PGBD5: variants seen among roughly 807,000 people sequenced by gnomAD.
PGBD5 encodes the protein piggyBac transposable element-derived protein 5.
A neutral mutation model predicts 47.9 loss-of-function variants in PGBD5; 14 were observed. That is an observed-to-expected ratio of 0.29 (90% CI 0.19 to 0.46). The LOEUF (loss-of-function observed/expected upper bound fraction) is 0.46. Ranked by LOEUF, PGBD5 falls within the 20% of genes least tolerant of loss-of-function variation. The pLI, the probability that PGBD5 is intolerant of heterozygous loss-of-function variation, is 1.00. For synonymous variants in PGBD5, 316 were observed against 306.3 expected, an observed-to-expected ratio of 1.03 and a Z score of -0.33; for missense variants, 635 against 716.0, an observed-to-expected ratio of 0.89 and a Z score of 1.29.
intron 3 of PGBD5, among the ~76,000 whole-genome samples, chr1:230,343,845 G>A (rs1448996584): frequency 6.6e-6 from 1 of 152,200 alleles, no homozygotes; most frequent in Non-Finnish European, 1.5e-5. Flanking sequence ...AACATAAATA[G>A]TATGTCTCAA....
intron 4 of PGBD5, among the ~76,000 whole-genome samples, chr1:230,335,144 C>A (rs1273646898): frequency 7.8e-6 from 1 of 128,074 alleles, no homozygotes; most frequent in East Asian, 2.3e-4. Context: ...CATACATACA[C>A]AGGTACACAT....
chr1:230,345,277 T>C (rs1484252772), intron 3 of PGBD5, among the ~76,000 whole-genome samples: 1 of 152,218 alleles, frequency 6.6e-6, no homozygotes, highest in Non-Finnish European at 1.5e-5. Context: ...GAGTTTTCTT[T>C]CCACCCACAT....
intron 4 of PGBD5, among the ~76,000 whole-genome samples, chr1:230,333,289 G>A (rs1024504532): frequency 2.0e-5 from 3 of 152,144 alleles, no homozygotes; most frequent in African/African-American, 7.2e-5. Context: ...TGCTAAGACT[G>A]CATGTAGGGC....
At chr1:230,388,669 C>A (rs376834340) in intron 1 of PGBD5, among the ~76,000 whole-genome samples, 2 of 152,200 alleles carry the variant, frequency 1.3e-5, no homozygotes, top group East Asian at 3.9e-4. Flanking sequence ...CCTGACTCGG[C>A]CTCCCAAAGT....
chr1:230,406,998 A>G (rs746567682), intron 1 of PGBD5, among the ~76,000 whole-genome samples: 9 of 152,048 alleles, frequency 5.9e-5, no homozygotes, highest in Non-Finnish European at 8.8e-5. Flanking sequence ...CCACACCCAG[A>G]TAATTTTTGT....
At chr1:230,385,147 C>G (rs145949238) in intron 1 of PGBD5, among the ~76,000 whole-genome samples, 1 of 152,012 alleles carries the variant, frequency 6.6e-6, no homozygotes, top group Non-Finnish European at 1.5e-5. Context: ...GTCTCGCGCA[C>G]GTGTTATTTT....
At chr1:230,381,271 C>T (rs539428221) in intron 1 of PGBD5, among the ~76,000 whole-genome samples, 2 of 152,334 alleles carry the variant, frequency 1.3e-5, no homozygotes, top group Admixed American at 6.5e-5. Flanking sequence ...AGGTTGTGAG[C>T]ACACTCAGGT....
chr1:230,369,857 T>C (rs539775097), intron 1 of PGBD5, among the ~76,000 whole-genome samples: 3 of 151,970 alleles, frequency 2.0e-5, no homozygotes, highest in East Asian at 3.9e-4. Context: ...ATTCCCTGCA[T>C]ACCCACCCAC....
At chr1:230,391,637 C>T (rs983434386) in intron 1 of PGBD5, among the ~76,000 whole-genome samples, 1 of 152,180 alleles carries the variant, frequency 6.6e-6, no homozygotes, top group Non-Finnish European at 1.5e-5. Context: ...TTTCCAAGAC[C>T]AAACTGTGAG....
intron 1 of PGBD5, among the ~76,000 whole-genome samples, chr1:230,398,315 G>A: frequency 6.6e-6 from 1 of 152,284 alleles, no homozygotes; most frequent in South Asian, 2.1e-4. Context: ...TGGCAGGCTT[G>A]TTTCCTGCTG....
At chr1:230,381,877 C>T (rs1434849706) in intron 1 of PGBD5, among the ~76,000 whole-genome samples, 1 of 152,144 alleles carries the variant, frequency 6.6e-6, no homozygotes, top group Non-Finnish European at 1.5e-5. Context: ...CTACAGTACC[C>T]ACTCCTGTCC....
At chr1:230,325,451 C>A in intron 5 of PGBD5, 36 bp from the exon 6 acceptor site, 1 of 1,463,498 alleles carries the variant, frequency 6.8e-7, no homozygotes, top group South Asian at 1.2e-5. Flanking sequence ...CCTTCCTCAG[C>A]ACCTCCTCCT....
intron 1 of PGBD5, among the ~76,000 whole-genome samples, chr1:230,394,781 T>C (rs150209714): frequency 0.16 from 4,179 of 26,402 alleles, 505 homozygotes; most frequent in Admixed American, 0.22. Flanking sequence ...TCCCCAAGGT[T>C]CTCTCATTCC....
At chr1:230,370,769 C>T (rs1333731662) in intron 1 of PGBD5, among the ~76,000 whole-genome samples, 3 of 152,190 alleles carry the variant, frequency 2.0e-5, no homozygotes, top group African/African-American at 7.2e-5. Flanking sequence ...AATGCCCTCA[C>T]AGCCTCAACG....
chr1:230,375,652 C>CTTGTTTTTTT (rs1667999439), intron 1 of PGBD5, among the ~76,000 whole-genome samples: 1 of 105,660 alleles, frequency 9.5e-6, no homozygotes, highest in African/African-American at 4.5e-5. Context: ...TCCTATTTGA[C>CTTGTTTTTTT]TTTTTTTTTT....
chr1:230,348,100 G>A (rs749436077), intron 3 of PGBD5, among the ~76,000 whole-genome samples: 6 of 152,142 alleles, frequency 3.9e-5, no homozygotes, highest in Non-Finnish European at 7.4e-5. Context: ...CCCTTAATAC[G>A]GTCAGCTGCA....
At chr1:230,416,900 T>C (rs1461423570) in intron 1 of PGBD5, among the ~76,000 whole-genome samples, 1 of 152,022 alleles carries the variant, frequency 6.6e-6, no homozygotes, top group Non-Finnish European at 1.5e-5. Flanking sequence ...TCAACAAAGG[T>C]GGAGGCTGAG....
At chr1:230,417,074 A>G (rs1466744329) in intron 1 of PGBD5, among the ~76,000 whole-genome samples, 7 of 152,164 alleles carry the variant, frequency 4.6e-5, no homozygotes, top group Non-Finnish European at 1.0e-4. Flanking sequence ...CCGGTTTTTC[A>G]TTCTTTTGTA....
chr1:230,421,753 G>C (rs576479567), intron 1 of PGBD5, among the ~76,000 whole-genome samples: 1 of 152,266 alleles, frequency 6.6e-6, no homozygotes, highest in South Asian at 2.1e-4. Context: ...CTTTGCCTAA[G>C]ATTATCTTGC....
Sources: gnomAD v4.1 joint callset for allele counts (sites outside exome capture counted in the v4.1 genomes callset) on GRCh38, gnomAD v4.1.1 for gene constraint, MANE v1.5 for transcripts, NCBI Gene and HGNC (gene_info 2026-07-23, HGNC 2026-07-21) for gene names.